BCKDHB: variants seen among roughly 807,000 people sequenced by gnomAD.
BCKDHB encodes the protein 2-oxoisovalerate dehydrogenase subunit beta, mitochondrial.
A neutral mutation model predicts 48.5 loss-of-function variants in BCKDHB; 41 were observed. The ratio of observed to expected loss-of-function variants is 0.85; its 90% CI spans 0.66 to 1.10. BCKDHB has a LOEUF of 1.10. BCKDHB is among the 50% of genes least tolerant of loss of function. The pLI is 0.00. For synonymous variants in BCKDHB, 201 were observed against 174.8 expected, an observed-to-expected ratio of 1.15 and a Z score of -1.18; for missense variants, 496 against 494.2, an observed-to-expected ratio of 1.00 and a Z score of -0.03.
intron 8 of BCKDHB, among the ~76,000 whole-genome samples, chr6:80,272,286 T>C (rs1371340787): frequency 1.3e-5 from 2 of 152,186 alleles, no homozygotes; most frequent in Non-Finnish European, 2.9e-5. Flanking sequence ...AAAGATTTCA[T>C]TTTATATTTA....
intron 8 of BCKDHB, among the ~76,000 whole-genome samples, chr6:80,225,646 T>C (rs1406373011): frequency 6.6e-6 from 1 of 152,202 alleles, no homozygotes; most frequent in African/African-American, 2.4e-5. Flanking sequence ...TTGCATCCCT[T>C]GTCAAAAACT....
chr6:80,370,003 G>A, the BCKDHB span, among the ~76,000 whole-genome samples: 1 of 152,044 alleles, frequency 6.6e-6, no homozygotes, highest in African/African-American at 2.4e-5. Context: ...ACACTTCTGT[G>A]ACATTTCTTA....
intron 8 of BCKDHB, among the ~76,000 whole-genome samples, chr6:80,237,759 G>T (rs1281045518): frequency 6.6e-6 from 1 of 152,214 alleles, no homozygotes; most frequent in Non-Finnish European, 1.5e-5. Context: ...CAACTTTCTA[G>T]TTCAGATCAG....
chr6:80,241,042 G>A (rs1379784965), intron 8 of BCKDHB, among the ~76,000 whole-genome samples: 3 of 151,590 alleles, frequency 2.0e-5, no homozygotes, highest in Admixed American at 6.6e-5. Context: ...TGATCGAATC[G>A]GCCACTGAAG....
At chr6:80,225,476 A>G (rs1775642321) in intron 8 of BCKDHB, among the ~76,000 whole-genome samples, 1 of 152,188 alleles carries the variant, frequency 6.6e-6, no homozygotes, top group Non-Finnish European at 1.5e-5. Flanking sequence ...TAACAGCACT[A>G]TTATGAAATA....
At chr6:80,325,669 C>T (rs1768996083) in intron 9 of BCKDHB, among the ~76,000 whole-genome samples, 1 of 152,164 alleles carries the variant, frequency 6.6e-6, no homozygotes, top group Admixed American at 6.5e-5. Flanking sequence ...AGTTTCTTAA[C>T]TAGACAATGA....
At chr6:80,396,231 A>C in the BCKDHB span, among the ~76,000 whole-genome samples, 1 of 152,110 alleles carries the variant, frequency 6.6e-6, no homozygotes, top group Non-Finnish European at 1.5e-5. Flanking sequence ...AGCCACAGAC[A>C]CTCAATGCCA....
intron 8 of BCKDHB, among the ~76,000 whole-genome samples, chr6:80,232,588 A>C (rs1321633713): frequency 6.6e-6 from 1 of 150,424 alleles, no homozygotes; most frequent in African/African-American, 2.4e-5. Flanking sequence ...ATGTGTATAT[A>C]TATACTGTAT....
chr6:80,191,956 T>C (rs927658802), intron 6 of BCKDHB, among the ~76,000 whole-genome samples: 1 of 152,126 alleles, frequency 6.6e-6, no homozygotes, highest in Admixed American at 6.5e-5. Context: ...ACACAGAAAA[T>C]GAGATTCTCT....
chr6:80,386,634 A>G, the BCKDHB span, among the ~76,000 whole-genome samples: 6 of 152,224 alleles, frequency 3.9e-5, no homozygotes, highest in Non-Finnish European at 1.5e-5. Flanking sequence ...TCAACCATCA[A>G]AGGCAATGTG....
chr6:80,421,287 C>T, the BCKDHB span, among the ~76,000 whole-genome samples: 1 of 152,146 alleles, frequency 6.6e-6, no homozygotes, highest in Non-Finnish European at 1.5e-5. Context: ...TGTATGTTTC[C>T]TGAGGCCTCC....
intron 9 of BCKDHB, among the ~76,000 whole-genome samples, chr6:80,332,533 A>G (rs1267120445): frequency 6.6e-6 from 1 of 152,140 alleles, no homozygotes; most frequent in Non-Finnish European, 1.5e-5. Context: ...GCTAGGATAA[A>G]ACTTGTAAAC....
chr6:80,259,375 A>C (rs1158730007), intron 8 of BCKDHB, among the ~76,000 whole-genome samples: 1 of 152,202 alleles, frequency 6.6e-6, no homozygotes, highest in African/African-American at 2.4e-5. Context: ...ACGCTTTGGC[A>C]TCATAAAGTA....
the BCKDHB span, among the ~76,000 whole-genome samples, chr6:80,438,127 A>C: frequency 6.6e-6 from 1 of 152,232 alleles, no homozygotes; most frequent in Non-Finnish European, 1.5e-5. Flanking sequence ...GGCAAATTGC[A>C]CTATTATCTC....
chr6:80,127,660 G>A (rs1360692539), intron 2 of BCKDHB, 36 bp downstream of exon 2: 1 of 1,534,164 alleles, frequency 6.5e-7, no homozygotes, highest in Non-Finnish European at 9.0e-7. Context: ...TGGTAGCTGT[G>A]TTAATTCCAG....
the BCKDHB span, among the ~76,000 whole-genome samples, chr6:80,445,423 C>A: frequency 8.5e-5 from 13 of 152,158 alleles, no homozygotes; most frequent in African/African-American, 3.1e-4. Flanking sequence ...GATTCACTTA[C>A]AAGCCAGGGT....
At chr6:80,153,247 T>G (rs1396884885) in intron 3 of BCKDHB, among the ~76,000 whole-genome samples, 2 of 152,152 alleles carry the variant, frequency 1.3e-5, no homozygotes, top group African/African-American at 4.8e-5. Flanking sequence ...TGTGCCTCCT[T>G]GGTGCCCATT....
intron 1 of BCKDHB, among the ~76,000 whole-genome samples, chr6:80,119,534 T>C (rs552041908): frequency 6.6e-6 from 1 of 152,242 alleles, no homozygotes; most frequent in African/African-American, 2.4e-5. Context: ...TTAGCCAGGC[T>C]GGTCTCGAAC....
chr6:80,342,453 A>G (rs9352818), intron 9 of BCKDHB, among the ~76,000 whole-genome samples: 116,390 of 150,034 alleles, frequency 0.78, 45,478 homozygotes, highest in Admixed American at 0.84. Context: ...GGGCTTGGGG[A>G]CTCACACCTG....
Sources: allele counts gnomAD v4.1 joint callset (sites outside exome capture counted in the v4.1 genomes callset), GRCh38; gene constraint gnomAD v4.1.1; transcripts MANE v1.5; gene names NCBI Gene and HGNC (gene_info 2026-07-23, HGNC 2026-07-21).